The following RAPH1 variants were observed in gnomAD, a reference collection of about 807,000 sequenced individuals.
RAPH1 encodes the protein Ras association (RalGDS/AF-6) and pleckstrin homology domains 1.
Under a neutral mutation model 88.1 loss-of-function variants are expected in RAPH1, and 18 were observed. The ratio of observed to expected loss-of-function variants is 0.20; its 90% CI spans 0.14 to 0.30. The LOEUF is 0.30. Among genes scored for constraint, RAPH1 ranks in the 10% least tolerant of loss-of-function variants. RAPH1 has a pLI of 1.00. For synonymous variants in RAPH1, 587 were observed against 559.0 expected (o/e 1.05, Z -0.71); for missense variants, 1,448 against 1,543.2 (o/e 0.94, Z 1.03).
chr2:203,457,222 C>T (rs1183217100), intron 8 of RAPH1, among the ~76,000 whole-genome samples: 1 of 151,100 alleles, frequency 6.6e-6, no homozygotes, highest in African/African-American at 2.4e-5. Context: ...AGAGTCTCAC[C>T]CTGTTGCTAG....
intron 1 of RAPH1, among the ~76,000 whole-genome samples, chr2:203,514,385 T>C (rs1365785145): frequency 6.6e-6 from 1 of 152,202 alleles, no homozygotes; most frequent in East Asian, 1.9e-4. Context: ...TTTTACTCTC[T>C]GTGTATTCAT....
At position 203,448,033 on chromosome 2, in the gene RAPH1, G is replaced by GTCC; in HGVS notation, c.1556_1558dup (p.Arg519dup). On this transcript the variant is annotated inframe_insertion, in exon 12 of 14. Coordinates refer to ENST00000319170, the MANE Select transcript of RAPH1 (RefSeq NM_213589.3). This position sits in a 1 kb window ranked among gnomAD's most constrained non-coding sequence, Gnocchi z 4.1. ...GGAAGTCCAATCATAGGCTGACTCT[G>GTCC]TCCTCTTCAAGGCTTCTTGGTAGTT... 6.2e-7 allele frequency: 1 copy of GTCC among 1,613,764 alleles called. No individual in the cohort carries two copies. The highest frequency in any genetic ancestry group is 1.3e-5 in the African/African-American group (1 of 75,044).
In RAPH1 at chr2:203,461,252, T is replaced by C; in HGVS notation, c.967A>G (p.Met323Val). ...SLVETVSELQ[M>V]ERIFEDHENL... The stretch of plus-strand genomic sequence containing the variant: ...TTAAAGCAATGATATTACTAACCCA[T>C]TTGTAATTCAGAAACGGTTTCTACC... The change falls in exon 6 of 14, where the codon ATG (methionine) becomes GTG (valine). Residue 323 changes from methionine to valine, a missense_variant. Around this residue, in one of 2 missense-constraint regions of RAPH1, gnomAD observed 513 missense variants for 653.1 expected, o/e 0.79. Coordinates refer to ENST00000319170, the MANE Select transcript of RAPH1 (RefSeq NM_213589.3). 1 of 1,577,668 alleles carries C rather than the reference T, an allele frequency of 6.3e-7. No individual in the cohort carries two copies. Among genetic ancestry groups the C allele is most frequent in the Non-Finnish European group, 8.6e-7 (1 of 1,160,994 alleles).
intron 1 of RAPH1, among the ~76,000 whole-genome samples, chr2:203,510,935 T>C (rs1689313703): frequency 6.6e-6 from 1 of 152,066 alleles, no homozygotes; most frequent in Non-Finnish European, 1.5e-5. Context: ...ATTATGTATA[T>C]CTCAATTTAA....
At chr2:203,515,733 A>G (rs1689571434) in intron 1 of RAPH1, among the ~76,000 whole-genome samples, 1 of 152,346 alleles carries the variant, frequency 6.6e-6, no homozygotes, top group South Asian at 2.1e-4. Flanking sequence ...AGAAACATTT[A>G]AAGTGTTGAG....
At chr2:203,506,999 C>A (rs1329393494) in intron 1 of RAPH1, among the ~76,000 whole-genome samples, 3 of 147,744 alleles carry the variant, frequency 2.0e-5, no homozygotes, top group Non-Finnish European at 4.4e-5. Context: ...CAGGTTCAAG[C>A]GATTCTCCTG....
At chr2:203,487,677 G>T (rs965975223) in intron 4 of RAPH1, among the ~76,000 whole-genome samples, 1 of 152,112 alleles carries the variant, frequency 6.6e-6, no homozygotes, top group Non-Finnish European at 1.5e-5. Context: ...GAGCCACCAC[G>T]TCCGGCCTAG....
At chr2:203,494,809 C>CAA (rs1219525479) in intron 2 of RAPH1, among the ~76,000 whole-genome samples, 2 of 49,526 alleles carry the variant, frequency 4.0e-5, no homozygotes, top group Non-Finnish European at 8.6e-5. Flanking sequence ...GACTCCGTCT[C>CAA]AAAAAAAAAA....
chr2:203,529,005 A>ATTTTTTTT (rs66832810), intron 1 of RAPH1, among the ~76,000 whole-genome samples: 6 of 41,154 alleles, frequency 1.5e-4, no homozygotes, highest in South Asian at 1.5e-3. Context: ...ATATATATAT[A>ATTTTTTTT]TTTTTTTTTT....
chr2:203,474,225 A>G (rs1370161235), intron 4 of RAPH1, among the ~76,000 whole-genome samples: 1 of 152,192 alleles, frequency 6.6e-6, no homozygotes, highest in African/African-American at 2.4e-5. Context: ...TCTGTCCTCA[A>G]GCAGGAATTT....
intron 1 of RAPH1, among the ~76,000 whole-genome samples, chr2:203,504,702 GCAT>G (rs1244214450): frequency 6.6e-6 from 1 of 150,908 alleles, no homozygotes; most frequent in African/African-American, 2.4e-5. Context: ...CTTTTCTACT[GCAT>G]CATCAGGCAG....
Position 203,448,742 on chromosome 2 carries a change from G to C in RAPH1, c.1508C>G (p.Ala503Gly). 1 of 1,588,108 alleles carries C rather than the reference G, an allele frequency of 6.3e-7. No individual in the cohort carries two copies. Among genetic ancestry groups the C allele is most frequent in the Non-Finnish European group, 8.6e-7 (1 of 1,163,810 alleles). ...TCAAATCAAAAGGAGACATGCCTTT[G>C]CAATGCGGATCCCATTGACCCACTG... ...LHQWVNGIRI[A>G]KYGKQLYMNY... The change falls in exon 11 of 14, where the codon GCA becomes GGA. Residue 503 changes from alanine (A) to glycine (G), a missense_variant. Physicochemically the swap from Ala to Gly is moderately conservative, Grantham distance 60 (BLOSUM62 0). Around this residue, in one of 2 missense-constraint regions of RAPH1, gnomAD observed 513 missense variants for 653.1 expected, o/e 0.79. Transcript: ENST00000319170. This position sits in a 1 kb window ranked among gnomAD's most constrained non-coding sequence, Gnocchi z 4.1.
intron 6 of RAPH1, among the ~76,000 whole-genome samples, chr2:203,460,473 A>G (rs2098523408): frequency 6.6e-6 from 1 of 152,234 alleles, no homozygotes; most frequent in Non-Finnish European, 1.5e-5. Flanking sequence ...TTTCCAAATT[A>G]GAAATGAAAG....
intron 1 of RAPH1, among the ~76,000 whole-genome samples, chr2:203,510,743 T>G (rs1262689370): frequency 6.6e-6 from 1 of 152,084 alleles, no homozygotes; most frequent in East Asian, 1.9e-4. Context: ...GGAATTAAGA[T>G]AGTGGTGAAG....
chr2:203,474,421 TG>T (rs2098535652), intron 4 of RAPH1, among the ~76,000 whole-genome samples: 1 of 152,206 alleles, frequency 6.6e-6, no homozygotes, highest in African/African-American at 2.4e-5. Flanking sequence ...TGGGAAATCT[TG>T]CTTATAACAA....
In RAPH1 at chr2:203,441,423, G is replaced by A. The variant is rs910282198; in HGVS notation, c.1777-10C>T. ...TAGACTCCATTCTGGCCTAAAAGGA[G>A]TATAAAAAGGGAGTGGGAGAGAGAA... On this transcript the variant is annotated splice_polypyrimidine_tract_variant and intron_variant, in intron 13 of 13. Transcript: ENST00000319170. The A allele has an allele frequency of 6.6e-7, 1 of 1,522,066 alleles. No individual in the cohort carries two copies. The highest frequency in any genetic ancestry group is 8.8e-7 in the Non-Finnish European group (1 of 1,139,094). The allele number at this position is 1,522,066 out of a possible 1,614,324, so 94.3% of individuals were successfully genotyped here.
At chr2:203,533,127 T>C (rs1690458092) in intron 1 of RAPH1, among the ~76,000 whole-genome samples, 1 of 152,146 alleles carries the variant, frequency 6.6e-6, no homozygotes, top group African/African-American at 2.4e-5. Flanking sequence ...TAAATATTTG[T>C]GAAAACACAC....
chr2:203,495,104 T>C (rs2105852102), intron 2 of RAPH1, 130 bp downstream of exon 2: 3 of 950,166 alleles, frequency 3.2e-6, no homozygotes, highest in Non-Finnish European at 4.8e-6. Flanking sequence ...TACTTGTCAA[T>C]ACTTCGAACA....
At position 203,495,070 on chromosome 2, in the gene RAPH1, C is replaced by A. The variant is rs1688452621; in HGVS notation, c.120+164G>T. The A allele has an allele frequency of 7.7e-6, 5 of 646,668 alleles. No individual in the cohort carries two copies. In the South Asian group the frequency reaches 1.4e-4, roughly 18 times the overall value. The allele number at this position is 646,668 out of a possible 1,614,324, so 40.1% of individuals were successfully genotyped here. On this transcript the variant is annotated intron_variant, in intron 2 of 13. Transcript: ENST00000319170. ...TAAAATAACCATAGATTCTTAATAT[C>A]TTCTGTTCTAGAATGACTTCATTTA...
Sources: gnomAD v4.1 joint callset for allele counts (sites outside exome capture counted in the v4.1 genomes callset) on GRCh38, gnomAD v4.1.1 for gene constraint, gnomAD v4.1.1 regional missense constraint, Gnocchi (gnomAD v3.1) non-coding constraint, MANE v1.5 for transcripts, NCBI Gene and HGNC (gene_info 2026-07-23, HGNC 2026-07-21) for gene names.